Variants in PACS2 observed in about 807,000 individuals in gnomAD.
PACS2 encodes PACS1-like protein.
In PACS2, 36 loss-of-function variants were observed where a neutral mutation model predicts 113.0. The observed-to-expected ratio is 0.32, with a 90% CI of 0.24 to 0.42. The LOEUF is 0.42. Ranked by LOEUF, PACS2 falls within the 10% of genes least tolerant of loss-of-function variation. The probability of loss-of-function intolerance (pLI) is 1.00; values close to 1 mark genes in which losing one functional copy is unlikely to be tolerated. For missense variants in PACS2, 1,015 were observed against 1,239.5 expected (o/e 0.82, Z 2.72); for synonymous variants, 589 against 536.1 (o/e 1.10, Z -1.36).
chr14:105,361,220 G>A lies in PACS2; in HGVS notation c.424-5993G>A, dbSNP rs587605342. On this transcript the variant is annotated intron_variant, in intron 4 of 24. Coordinates refer to ENST00000447393, the MANE Select transcript of PACS2 (RefSeq NM_001100913.3). ...CAAGAATGGTGAATCCAGGCCACGC[G>A]CAGTGGCTCACACCTGTCATCCCAG... 3.3e-5 allele frequency among the ~76,000 whole-genome samples: 5 copies of A among 152,340 alleles called. No individual in the cohort carries two copies. The South Asian group carries it at 1.0e-3, about 32-fold the overall frequency.
Position 105,382,473 on chromosome 14 carries a change from C to T in PACS2, c.1414-4C>T. 6.4e-7 allele frequency: 1 copy of T among 1,570,826 alleles called. No individual in the cohort carries two copies. The highest frequency in any genetic ancestry group is 1.1e-5 in the South Asian group (1 of 90,224). Reference sequence around the variant, plus strand: ...TGGGTGTGGACAGGGCTCTGTGCCTCCAGATCCCCAGGAAGACTGTGTATG... The same window carrying T: ...TGGGTGTGGACAGGGCTCTGTGCCTTCAGATCCCCAGGAAGACTGTGTATG... On this transcript the variant is annotated splice_region_variant and splice_polypyrimidine_tract_variant and intron_variant, in intron 13 of 24. Coordinates refer to ENST00000447393, the MANE Select transcript of PACS2 (RefSeq NM_001100913.3).
rs1031211646 is a variant in PACS2 at position 105,395,123 on chromosome 14, G to C, written c.*451G>C. Reference sequence around the variant, plus strand: ...GTCCTGAGTTGAGCCTGGGGGGGCCGTCCTGCCCGCCTAAGAGATGCCCCC... The same window carrying C: ...GTCCTGAGTTGAGCCTGGGGGGGCCCTCCTGCCCGCCTAAGAGATGCCCCC... On this transcript the variant is annotated 3_prime_UTR_variant, in exon 25 of 25. Transcript: ENST00000447393. 6.0e-6 allele frequency: 1 copy of C among 165,654 alleles called. No individual in the cohort carries two copies. Among genetic ancestry groups the C allele is most frequent in the East Asian group, 1.7e-4 (1 of 5,858 alleles). 10.3% of individuals were successfully genotyped at this position (165,654 alleles called of 1,614,324 possible).
chr14:105,302,158 A>G (rs1376666590), intron 1 of PACS2, among the ~76,000 whole-genome samples: 1 of 150,478 alleles, frequency 6.6e-6, no homozygotes, highest in Admixed American at 6.6e-5. Flanking sequence ...AAAAAAAAAA[A>G]GAGAAAAAAG....
At chr14:105,379,316 C>G (rs1275414560) in intron 9 of PACS2, among the ~76,000 whole-genome samples, 7 of 152,328 alleles carry the variant, frequency 4.6e-5, no homozygotes, top group African/African-American at 1.4e-4. Context: ...GTTGTTTTGT[C>G]GAGCATGTTC....
chr14:105,375,889 C>T (rs1323868082), intron 8 of PACS2, among the ~76,000 whole-genome samples: 5 of 152,208 alleles, frequency 3.3e-5, no homozygotes, highest in Admixed American at 3.3e-4. Context: ...GGTCCACCCA[C>T]TCAGTGGCGC....
Position 105,394,928 on chromosome 14 carries a change from A to C in PACS2, c.*256A>C. 2.3e-6 allele frequency: 1 copy of C among 437,200 alleles called. No individual in the cohort carries two copies. Among genetic ancestry groups the C allele is most frequent in the South Asian group, 2.4e-5 (1 of 41,336 alleles). The allele number at this position is 437,200 out of a possible 1,614,324, so 27.1% of individuals were successfully genotyped here. A position where few individuals can be genotyped will look rare whatever the true frequency, so the allele number is the denominator to read the frequency against. On this transcript the variant is annotated 3_prime_UTR_variant, in exon 25 of 25. Transcript: ENST00000447393. ...GACGATGCTGAGCCATGGATCGCGG[A>C]AGGCGTCCTCTGGCCTCAGGAGCCA... is the stretch of plus-strand genomic sequence containing the variant.
intron 18 of PACS2, among the ~76,000 whole-genome samples, chr14:105,385,203 C>T (rs2081133565): frequency 1.3e-5 from 2 of 152,340 alleles, no homozygotes; most frequent in East Asian, 1.9e-4. Flanking sequence ...ATTTCCGCAC[C>T]TGTTTCTGTG....
At chr14:105,305,094 G>T (rs1230296016) in intron 1 of PACS2, among the ~76,000 whole-genome samples, 1 of 152,130 alleles carries the variant, frequency 6.6e-6, no homozygotes, top group African/African-American at 2.4e-5. Flanking sequence ...TCATGAGCGG[G>T]ATTAATGCCC....
At position 105,382,927 on chromosome 14, in the gene PACS2, C is replaced by T; in HGVS notation, c.1625+14C>T. ...GATACAGAGATAGTGAGTTGGGCTC[C>T]ACCCTGTACTCACCACCCAAGTACC... On this transcript the variant is annotated intron_variant, in intron 15 of 24. Transcript: ENST00000447393. 1 of 1,493,112 alleles carries T rather than the reference C, an allele frequency of 6.7e-7. No individual in the cohort carries two copies. Among genetic ancestry groups the T allele is most frequent in the Non-Finnish European group, 9.3e-7 (1 of 1,079,030 alleles). The allele number at this position is 1,493,112 out of a possible 1,614,324, so 92.5% of individuals were successfully genotyped here.
intron 20 of PACS2, chr14:105,390,949 C>T (rs1451456499): frequency 4.0e-5 from 22 of 555,268 alleles, no homozygotes; most frequent in South Asian, 4.4e-5. Context: ...TTGCAGCTGC[C>T]CTGAGGGCCG....
rs2060043564 is a variant in PACS2, at chr14:105,348,887, T to A, written c.207+307T>A. 5.7e-6 allele frequency: 2 copies of A among 350,474 alleles called. No homozygotes were observed. The highest frequency in any genetic ancestry group is 4.4e-5 in the African/African-American group (2 of 45,886). The allele number at this position is 350,474 out of a possible 1,614,324, so 21.7% of individuals were successfully genotyped here. ...GGCCCCAAGCACCTGGAGCCAGGGCTTCCCTGCTGCACTCAGCACCCACTT... is the reference window on the plus strand; with the variant it reads ...GGCCCCAAGCACCTGGAGCCAGGGCATCCCTGCTGCACTCAGCACCCACTT... On this transcript the variant is annotated intron_variant, in intron 2 of 24. Coordinates refer to ENST00000447393, the MANE Select transcript of PACS2 (RefSeq NM_001100913.3). The surrounding 1 kb of genome is among the most constrained non-coding windows in gnomAD (Gnocchi z 6.4).
At chr14:105,342,531 A>G (rs587658475) in intron 1 of PACS2, among the ~76,000 whole-genome samples, 2 of 151,740 alleles carry the variant, frequency 1.3e-5, no homozygotes, top group African/African-American at 4.8e-5. Context: ...GGCCTCCCAC[A>G]GTGCTGGGAT....
Position 105,309,260 on chromosome 14 carries a change from G to T in PACS2, c.-83+8281G>T, listed in dbSNP as rs1172313542. On this transcript the variant is annotated intron_variant, in intron 1 of 23. Coordinates refer to the PACS2 transcript ENST00000430725. This position sits in a 1 kb window ranked among gnomAD's most constrained non-coding sequence, Gnocchi z 4.0. Reference sequence around the variant, plus strand: ...AGGTCCCTCTTAATCTTGGGGCTCAGGATAACCACAGTCAAGAGGGGAGAG... The same window carrying T: ...AGGTCCCTCTTAATCTTGGGGCTCATGATAACCACAGTCAAGAGGGGAGAG... 1.3e-5 allele frequency among the ~76,000 whole-genome samples: 2 copies of T among 152,184 alleles called. No homozygotes were observed. Among genetic ancestry groups the T allele is most frequent in the African/African-American group, 2.4e-5 (1 of 41,440 alleles).
chr14:105,382,843 G>A lies in PACS2; in HGVS notation c.1555G>A (p.Val519Met), dbSNP rs372817963. 4.7e-5 allele frequency: 76 copies of A among 1,606,724 alleles called. No homozygotes were observed. Among genetic ancestry groups the A allele is most frequent in the Non-Finnish European group, 5.5e-5 (65 of 1,178,920 alleles). ...SDVLQRHTLP[V>M]VCTCSPADVQ... ...CGTCCTGCAGAGGCACACGCTCCCC[G>A]TGGTGTGCACGTGCTCTCCTGCGGA... is the stretch of plus-strand genomic sequence containing the variant. The change falls in exon 15 of 25, where the codon GTG (valine) becomes ATG (methionine). Residue 519 changes from valine (V) to methionine (M), a missense_variant. Val to Met is a conservative substitution (Grantham distance 21). Around this residue, in one of 3 missense-constraint regions of PACS2, gnomAD observed 859 missense variants for 1,056.8 expected, o/e 0.81. Transcript: ENST00000447393.
intron 1 of PACS2, among the ~76,000 whole-genome samples, chr14:105,325,504 C>T (rs1195542900): frequency 6.6e-6 from 1 of 152,204 alleles, no homozygotes; most frequent in African/African-American, 2.4e-5. Flanking sequence ...ATTTCTGTCT[C>T]TCGACTGCCC....
rs587731527 is a variant in PACS2 at position 105,356,355 on chromosome 14, C to A, written c.423+1178C>A. Among the ~76,000 whole-genome samples, 20 of 152,336 alleles carry A rather than the reference C, an allele frequency of 1.3e-4. No individual in the cohort carries two copies. Among genetic ancestry groups the A allele is most frequent in the African/African-American group, 4.3e-4 (18 of 41,578 alleles). ...GCAGCAGTGGCGTCCCGAGGCCTCG[C>A]TTCTCCGTGCCGCCGCAGGGCCTCA... On this transcript the variant is annotated intron_variant, in intron 4 of 24. Coordinates refer to ENST00000447393, the MANE Select transcript of PACS2 (RefSeq NM_001100913.3). This position sits in a 1 kb window ranked among gnomAD's most constrained non-coding sequence, Gnocchi z 4.0.
In PACS2 at chr14:105,348,493, G is replaced by A. The variant is rs1003413251; in HGVS notation, c.120G>A (p.Arg40=). The part of the protein sequence containing the change: ...VDGSSPSCVP[R]LCSLTLKKLV... ...GGCTGAGCTGTGCCTTGCCTCACAG[G>A]TTGTGCAGCCTGACTCTGAAGAAGC... Residue 40 remains arginine, a splice_region_variant and synonymous_variant, in exon 2 of 25, where the codon AGG becomes AGA. Transcript: ENST00000447393. The surrounding 1 kb of genome is among the most constrained non-coding windows in gnomAD (Gnocchi z 6.4). The A allele has an allele frequency of 2.5e-6, 4 of 1,610,722 alleles. No homozygotes were observed. Among genetic ancestry groups the A allele is most frequent in the Non-Finnish European group, 3.4e-6 (4 of 1,178,736 alleles).
Position 105,391,695 on chromosome 14 carries a change from T to TGCGGCCAAGGAGGCCTCA in PACS2, c.2184_2185insGCGGCCAAGGAGGCCTCA (p.Ser728_Pro729insAlaAlaLysGluAlaSer). On this transcript the variant is annotated inframe_insertion, in exon 22 of 25. Coordinates refer to ENST00000447393, the MANE Select transcript of PACS2 (RefSeq NM_001100913.3). ...TCTCCTCCACCCCGCCGTCCGCATC[T>TGCGGCCAAGGAGGCCTCA]CCTGCGGCCAAGGAGGCCTCACCCA... 6.2e-7 allele frequency: 1 copy of TGCGGCCAAGGAGGCCTCA among 1,606,690 alleles called. No homozygotes were observed. Among genetic ancestry groups the TGCGGCCAAGGAGGCCTCA allele is most frequent in the Non-Finnish European group, 8.5e-7 (1 of 1,177,394 alleles).
At chr14:105,347,667 G>A (rs782400000) in intron 1 of PACS2, among the ~76,000 whole-genome samples, 1 of 152,190 alleles carries the variant, frequency 6.6e-6, no homozygotes, top group Non-Finnish European at 1.5e-5. Context: ...CCCTTCTGCT[G>A]TCCTGAGCAA....
Sources: gnomAD v4.1 joint callset for allele counts (sites outside exome capture counted in the v4.1 genomes callset) on GRCh38, gnomAD v4.1.1 for gene constraint, gnomAD v4.1.1 regional missense constraint, Gnocchi (gnomAD v3.1) non-coding constraint, MANE v1.5 for transcripts, NCBI Gene and HGNC (gene_info 2026-07-23, HGNC 2026-07-21) for gene names.